The following CENPP variants were observed in gnomAD, a reference collection of about 807,000 sequenced individuals.
CENPP encodes centromere protein P.
A neutral mutation model predicts 35.6 loss-of-function variants in CENPP; 24 were observed. The ratio of observed to expected loss-of-function variants is 0.67; its 90% CI spans 0.49 to 0.95. CENPP has a LOEUF of 0.95. Among genes scored for constraint, CENPP ranks in the 40% least tolerant of loss-of-function variants. CENPP has a pLI of 0.00. For synonymous variants in CENPP, 120 were observed against 125.5 expected (o/e 0.96, Z 0.29); for missense variants, 332 against 345.3 (o/e 0.96, Z 0.31).
intron 5 of CENPP, among the ~76,000 whole-genome samples, chr9:92,470,969 T>C (rs998937907): frequency 4.6e-5 from 7 of 152,176 alleles, no homozygotes; most frequent in African/African-American, 1.7e-4. Flanking sequence ...GAGTAACTTA[T>C]TAATTTTTAC....
At chr9:92,496,479 T>C (rs1277848276) in intron 5 of CENPP, 7 of 1,608,694 alleles carry the variant, frequency 4.4e-6, no homozygotes, top group Non-Finnish European at 5.9e-6. Flanking sequence ...TCTGGAAGAA[T>C]GTTCCTAAGG....
intron 5 of CENPP, among the ~76,000 whole-genome samples, chr9:92,399,054 C>CAA (rs113748385): frequency 2.7e-5 from 3 of 109,588 alleles, no homozygotes; most frequent in Admixed American, 9.5e-5. Context: ...GACTCTGTCT[C>CAA]AAAAAAAAAA....
intron 5 of CENPP, among the ~76,000 whole-genome samples, chr9:92,511,589 C>T (rs1847348026): frequency 1.3e-5 from 2 of 152,012 alleles, no homozygotes; most frequent in African/African-American, 4.8e-5. Context: ...CCAAAGTATC[C>T]TCCATCAGGT....
chr9:92,562,446 T>A (rs1306173645), intron 5 of CENPP, among the ~76,000 whole-genome samples: 1 of 152,094 alleles, frequency 6.6e-6, no homozygotes. Flanking sequence ...CCTCAGGTGA[T>A]CCACCTGCCT....
intron 5 of CENPP, among the ~76,000 whole-genome samples, chr9:92,381,533 C>G (rs1295857298): frequency 6.6e-6 from 1 of 152,202 alleles, no homozygotes; most frequent in Non-Finnish European, 1.5e-5. Context: ...ATTGACCTAT[C>G]TTGGCCTCCC....
chr9:92,364,949 C>T (rs1841849916), intron 4 of CENPP, among the ~76,000 whole-genome samples: 1 of 152,102 alleles, frequency 6.6e-6, no homozygotes, highest in Non-Finnish European at 1.5e-5. Context: ...TCTAACAAAC[C>T]ACTTGAAAAT....
intron 5 of CENPP, chr9:92,457,607 A>G: frequency 2.8e-6 from 2 of 715,978 alleles, no homozygotes; most frequent in Non-Finnish European, 4.6e-6. Context: ...GCTTGAATGT[A>G]TTTTCAGGTA....
intron 5 of CENPP, among the ~76,000 whole-genome samples, chr9:92,533,818 G>A (rs1849005189): frequency 6.6e-6 from 1 of 152,008 alleles, no homozygotes. Flanking sequence ...ATACCTTATA[G>A]ATATTTGTCC....
At position 92,368,598 on chromosome 9, in the gene CENPP, T is replaced by C. The variant is rs187161472; in HGVS notation, c.468-11165T>C. ...TGAGTTCATCGTCTGTTACAGAACC[T>C]TTTGAGTGACCAAATATGGAGAAAC... On this transcript the variant is annotated intron_variant, in intron 4 of 7. Transcript: ENST00000375587. 5.3e-5 allele frequency among the ~76,000 whole-genome samples: 8 copies of C among 152,346 alleles called. No homozygotes were observed. The East Asian group carries it at 1.5e-3, about 29-fold the overall frequency.
chr9:92,620,044 G>A lies in CENPP; in HGVS notation c.*6895G>A, dbSNP rs914173374. On this transcript the variant is annotated 3_prime_UTR_variant, in exon 8 of 8. Transcript: ENST00000375587. ...ACATCATACAGCCACCAGAGACAAC[G>A]GCAGACGGCCACCCTTCTACAGGCT... 13 of 173,218 alleles carry A rather than the reference G, an allele frequency of 7.5e-5. No homozygotes were observed. Among genetic ancestry groups the A allele is most frequent in the African/African-American group, 2.3e-4 (10 of 42,886 alleles). 10.7% of individuals were successfully genotyped at this position (173,218 alleles called of 1,614,324 possible). A position where few individuals can be genotyped will look rare whatever the true frequency, so the allele number is the denominator to read the frequency against.
chr9:92,421,808 A>T (rs1010504514), intron 5 of CENPP, among the ~76,000 whole-genome samples: 15 of 152,296 alleles, frequency 9.8e-5, no homozygotes, highest in Middle Eastern at 3.4e-3. Context: ...GAGATACAAC[A>T]AAGTGAACCC....
chr9:92,341,003 C>T (rs1462408756), intron 3 of CENPP, among the ~76,000 whole-genome samples: 1 of 152,104 alleles, frequency 6.6e-6, no homozygotes, highest in African/African-American at 2.4e-5. Context: ...TTCTTTTTCT[C>T]AGCATGGGAC....
chr9:92,486,859 G>A (rs939910322), intron 5 of CENPP, among the ~76,000 whole-genome samples: 2 of 149,414 alleles, frequency 1.3e-5, no homozygotes, highest in African/African-American at 4.9e-5. Flanking sequence ...TCAGCTCACT[G>A]CAACCTCCAC....
intron 5 of CENPP, among the ~76,000 whole-genome samples, chr9:92,554,872 G>A (rs1849687904): frequency 6.6e-6 from 1 of 151,472 alleles, no homozygotes; most frequent in Admixed American, 6.6e-5. Flanking sequence ...TCCTGACCTC[G>A]TGATCCATCC....
chr9:92,470,846 T>C, intron 5 of CENPP: 1 of 964,928 alleles, frequency 1.0e-6, no homozygotes, highest in Non-Finnish European at 1.6e-6. Flanking sequence ...ACTAATATGG[T>C]AGAAATATAC....
In CENPP at chr9:92,379,772, GAGAAA is replaced by G. The variant is rs1564286509; in HGVS notation, c.481_485del (p.Lys161SerfsTer16). ...TCATTTATTCCTACAGAGCAGAAGA[GAGAAA>G]AGATCTGTTCATGTTTTTCCGAAGC... On this transcript the variant is annotated frameshift_variant, in exon 5 of 8. Transcript: ENST00000375587. LOFTEE classifies it high-confidence loss of function. The G allele has an allele frequency of 6.2e-7, 1 of 1,607,734 alleles. No homozygotes were observed. The highest frequency in any genetic ancestry group is 8.5e-7 in the Non-Finnish European group (1 of 1,174,314).
intron 4 of CENPP, among the ~76,000 whole-genome samples, chr9:92,360,649 A>C (rs552735544): frequency 1.2e-3 from 177 of 152,208 alleles, no homozygotes; most frequent in Non-Finnish European, 1.8e-3. Flanking sequence ...AAATAACTTA[A>C]GAAAAGGCTA....
chr9:92,610,777 GGT>G (rs1302552138), intron 5 of CENPP: 2 of 156,280 alleles, frequency 1.3e-5, no homozygotes, highest in Non-Finnish European at 2.8e-5. Flanking sequence ...TGCCCAGGAC[GGT>G]GTGTGGGCTG....
At chr9:92,600,162 C>A in intron 5 of CENPP, 1 of 678,584 alleles carries the variant, frequency 1.5e-6, no homozygotes, top group Non-Finnish European at 2.1e-6. Context: ...GTAATTTTCA[C>A]ATGTCACGAA....
Sources: gnomAD v4.1 joint callset for allele counts (sites outside exome capture counted in the v4.1 genomes callset) on GRCh38, gnomAD v4.1.1 for gene constraint, MANE v1.5 for transcripts, NCBI Gene and HGNC (gene_info 2026-07-23, HGNC 2026-07-21) for gene names.